The following COA7 variants were observed in gnomAD, a reference collection of about 807,000 sequenced individuals.
COA7 encodes the protein cytochrome c oxidase assembly factor 7.
COA7 carries 12 observed loss-of-function variants against 21.0 expected under a neutral mutation model. That is an observed-to-expected ratio of 0.57 (90% CI 0.37 to 0.92). The LOEUF (loss-of-function observed/expected upper bound fraction) is 0.92, where lower values mean the gene tolerates loss of function less well. COA7 is among the 40% of genes least tolerant of loss of function. The pLI is 0.01. For synonymous variants in COA7, 95 were observed against 107.4 expected, an observed-to-expected ratio of 0.88 and a Z score of 0.72; for missense variants, 240 against 286.1, an observed-to-expected ratio of 0.84 and a Z score of 1.16.
chr1:52,692,705 C>A, intron 2 of COA7, 22 bp downstream of exon 2: 1 of 1,613,776 alleles, frequency 6.2e-7, no homozygotes, highest in Non-Finnish European at 8.5e-7. Context: ...TGACAAGGAC[C>A]CAAAAGGCAG....
rs1205414600 is a variant in COA7, at chr1:52,686,118, G to A, written c.*1602C>T. 2 of 152,152 alleles carry A rather than the reference G, an allele frequency of 1.3e-5. No homozygotes were observed. Among genetic ancestry groups the A allele is most frequent in the Non-Finnish European group, 2.9e-5 (2 of 68,064 alleles). 9.4% of individuals were successfully genotyped at this position (152,152 alleles called of 1,614,324 possible). ...TGACCTCAAGTGATCCACCTGCCTT[G>A]GCCTCCCAAAATGCTAGGATTACAG... On this transcript the variant is annotated 3_prime_UTR_variant, in exon 3 of 3. Transcript: ENST00000371538.
At chr1:52,696,267 A>G (rs1644083299) in intron 1 of COA7, among the ~76,000 whole-genome samples, 1 of 152,056 alleles carries the variant, frequency 6.6e-6, no homozygotes, top group Admixed American at 6.6e-5. Context: ...TCCGCCTCCC[A>G]GGTTCAAGCC....
rs1468171912 is a variant in COA7, at chr1:52,686,492, G to A, written c.*1228C>T. The A allele has an allele frequency of 6.6e-6, 1 of 151,134 alleles. No homozygotes were observed. The highest frequency in any genetic ancestry group is 1.5e-5 in the Non-Finnish European group (1 of 67,922). The allele number at this position is 151,134 out of a possible 1,614,324, so 9.4% of individuals were successfully genotyped here. ...AGACGGAGTCTCACTCTATCGCCCA[G>A]GCTGGAGGGCAGTGGCGCAATCTCA... On this transcript the variant is annotated 3_prime_UTR_variant, in exon 3 of 3. Coordinates refer to ENST00000371538, the MANE Select transcript of COA7 (RefSeq NM_023077.3).
At chr1:52,693,554 C>A (rs375604081) in intron 1 of COA7, among the ~76,000 whole-genome samples, 1 of 149,452 alleles carries the variant, frequency 6.7e-6, no homozygotes, top group Non-Finnish European at 1.5e-5. Context: ...TGCGGCGGGC[C>A]GAGATCACGC....
rs762820526 is a variant in COA7 at position 52,688,119 on chromosome 1, C to A, written c.297G>T (p.Ala99=). 1 of 1,613,576 alleles carries A rather than the reference C, an allele frequency of 6.2e-7. No individual in the cohort carries two copies. Among genetic ancestry groups the A allele is most frequent in the South Asian group, 1.1e-5 (1 of 91,090 alleles). ...TTGACTTCTTTCCAGGCTTCTCACA[C>A]GCCATCAAAAAGCACCTGGCGGCAG... is the stretch of plus-strand genomic sequence containing the variant. ...LKAAARCFLM[A]CEKPGKKSIA... The change falls in exon 3 of 3, where the codon GCG becomes GCT. Residue 99 remains alanine (A), a synonymous_variant. Transcript: ENST00000371538.
intron 2 of COA7, among the ~76,000 whole-genome samples, chr1:52,690,554 T>C (rs1327722348): frequency 6.6e-6 from 1 of 152,156 alleles, no homozygotes; most frequent in Admixed American, 6.6e-5. Flanking sequence ...ACTGCTGACC[T>C]ACAAATTAAT....
chr1:52,686,200 AT>A lies in COA7; in HGVS notation c.*1519del, dbSNP rs943894361. The A allele has an allele frequency of 6.6e-6, 1 of 151,968 alleles. No homozygotes were observed. Among genetic ancestry groups the A allele is most frequent in the African/African-American group, 2.4e-5 (1 of 41,378 alleles). 9.4% of individuals were successfully genotyped at this position (151,968 alleles called of 1,614,324 possible). A position where few individuals can be genotyped will look rare whatever the true frequency, so the allele number is the denominator to read the frequency against. ...TTAAGCACACCAAAAGCTACTTTAC[AT>A]TTTTAAAAAGTGAATTTGATGTCTT... On this transcript the variant is annotated 3_prime_UTR_variant, in exon 3 of 3. Coordinates refer to ENST00000371538, the MANE Select transcript of COA7 (RefSeq NM_023077.3).
intron 2 of COA7, among the ~76,000 whole-genome samples, chr1:52,691,379 A>G (rs1465841161): frequency 4.7e-5 from 7 of 150,476 alleles, no homozygotes; most frequent in Non-Finnish European, 7.4e-5. Flanking sequence ...TTATCACTGC[A>G]CTCCAGTCTG....
intron 1 of COA7, 26 bp from the exon 2 acceptor site, chr1:52,692,893 CT>C: frequency 1.2e-6 from 2 of 1,613,522 alleles, no homozygotes; most frequent in Non-Finnish European, 1.7e-6. Context: ...AAGGGTTGTT[CT>C]TCATGTCTGG....
At chr1:52,688,645 G>A (rs1239450763) in intron 2 of COA7, among the ~76,000 whole-genome samples, 1 of 152,066 alleles carries the variant, frequency 6.6e-6, no homozygotes, top group African/African-American at 2.4e-5. Context: ...CCAGGAATTC[G>A]AGATCAACCT....
chr1:52,698,243 G>A lies in COA7; in HGVS notation c.84C>T (p.Cys28=). 1 of 1,612,034 alleles carries A rather than the reference G, an allele frequency of 6.2e-7. No homozygotes were observed. The highest frequency in any genetic ancestry group is 1.3e-5 in the African/African-American group (1 of 75,014). ...CACCGTCCGGGTCCTTCTCGTGGTA[G>A]CAGTGGTAGTTGCACTCCACCTCCA... The part of the protein sequence containing the change: ...ENMEVECNYH[C]YHEKDPDGCY... Residue 28 remains cysteine, a synonymous_variant, in exon 1 of 3, where the codon TGC becomes TGT. Coordinates refer to ENST00000371538, the MANE Select transcript of COA7 (RefSeq NM_023077.3).
rs936766468 is a variant in COA7 at position 52,686,708 on chromosome 1, A to G, written c.*1012T>C. 1 of 152,292 alleles carries G rather than the reference A, an allele frequency of 6.6e-6. No individual in the cohort carries two copies. The highest frequency in any genetic ancestry group is 2.4e-5 in the African/African-American group (1 of 41,440). The allele number at this position is 152,292 out of a possible 1,614,324, so 9.4% of individuals were successfully genotyped here. On this transcript the variant is annotated 3_prime_UTR_variant, in exon 3 of 3. Coordinates refer to ENST00000371538, the MANE Select transcript of COA7 (RefSeq NM_023077.3). The stretch of plus-strand genomic sequence containing the variant: ...CGTGATCCACCCGCCTTGGCCACCC[A>G]AAGTGCTGGGGTTACAGGCGTGAGC...
Position 52,692,776 on chromosome 1 carries a change from C to A in COA7, c.198G>T (p.Gln66His). ...CCAGTTTGTAGCAGCTATCACTGTG[C>A]TGGTTCTCTTCACAGTTAAACTTCA... Reference protein sequence around the residue: ...KVLKFNCEENQHSDSCYKLGA... With the variant: ...KVLKFNCEENHHSDSCYKLGA... Residue 66 changes from glutamine to histidine, a missense_variant, in exon 2 of 3, where the codon CAG (glutamine) becomes CAT (histidine). Physicochemically the swap from Gln to His is conservative, Grantham distance 24. Coordinates refer to ENST00000371538, the MANE Select transcript of COA7 (RefSeq NM_023077.3). 1.2e-6 allele frequency: 2 copies of A among 1,614,176 alleles called. No homozygotes were observed. Among genetic ancestry groups the A allele is most frequent in the Non-Finnish European group, 1.7e-6 (2 of 1,180,014 alleles).
chr1:52,691,534 C>T (rs1644046976), intron 2 of COA7, among the ~76,000 whole-genome samples: 1 of 149,216 alleles, frequency 6.7e-6, no homozygotes, highest in Admixed American at 6.7e-5. Context: ...TGCAGTGGCG[C>T]GATCTCAGCT....
In COA7 at chr1:52,687,866, T is replaced by A. The variant is rs571333748; in HGVS notation, c.550A>T (p.Ile184Phe). The change falls in exon 3 of 3, where the codon ATC (isoleucine) becomes TTC (phenylalanine). Residue 184 changes from isoleucine (I) to phenylalanine (F), a missense_variant. Around this residue, in one of 3 missense-constraint regions of COA7, gnomAD observed 163 missense variants for 214.1 expected, o/e 0.76. Transcript: ENST00000371538. ...CGACTGGCATTGGCACAGGCCCAGA[T>A]ATGACCCAGGTCACAGGCTTTCATG... The part of the protein sequence containing the change: ...YSMKACDLGH[I>F]WACANASRMY... 6.2e-7 allele frequency: 1 copy of A among 1,614,254 alleles called. No individual in the cohort carries two copies. The highest frequency in any genetic ancestry group is 2.2e-5 in the East Asian group (1 of 44,880).
chr1:52,692,847 A>G lies in COA7; in HGVS notation c.127T>C (p.Tyr43His), dbSNP rs752573972. The change falls in exon 2 of 3, where the codon TAT becomes CAT. Residue 43 changes from tyrosine to histidine, a missense_variant. This residue lies in a region of COA7 where 71 missense variants were observed against 54.7 expected (regional missense o/e 1.30). Coordinates refer to ENST00000371538, the MANE Select transcript of COA7 (RefSeq NM_023077.3). Reference protein sequence around the residue: ...DPDGCYRLVDYLEGIRKNFDE... With the variant: ...DPDGCYRLVDHLEGIRKNFDE... Reference sequence around the variant, plus strand: ...AAATTCTTCCGGATCCCTTCCAAATAGTCCACCAGCCGATAGCAACCTGCG... The same window carrying G: ...AAATTCTTCCGGATCCCTTCCAAATGGTCCACCAGCCGATAGCAACCTGCG... The G allele has an allele frequency of 1.2e-6, 2 of 1,613,896 alleles. No individual in the cohort carries two copies. The highest frequency in any genetic ancestry group is 2.2e-5 in the East Asian group (1 of 44,864).
At chr1:52,694,715 G>A (rs1466424934) in intron 1 of COA7, among the ~76,000 whole-genome samples, 1 of 150,716 alleles carries the variant, frequency 6.6e-6, no homozygotes, top group Non-Finnish European at 1.5e-5. Flanking sequence ...AAATGGGAGT[G>A]GGGCAGGGAT....
chr1:52,684,505 A>ATTTCTCT lies in COA7; in HGVS notation c.*3214_*3215insAGAGAAA, dbSNP rs1443790551. The ATTTCTCT allele has an allele frequency of 6.6e-6, 1 of 152,224 alleles. No individual in the cohort carries two copies. Among genetic ancestry groups the ATTTCTCT allele is most frequent in the Non-Finnish European group, 1.5e-5 (1 of 68,048 alleles). 9.4% of individuals were successfully genotyped at this position (152,224 alleles called of 1,614,324 possible). A position where few individuals can be genotyped will look rare whatever the true frequency, so the allele number is the denominator to read the frequency against. ...CAATTTTAGGTTTACAGCAAAATTG[A>ATTTCTCT]GAGGGTACAGAGATTTCCCATATAG... On this transcript the variant is annotated 3_prime_UTR_variant, in exon 3 of 3. Transcript: ENST00000371538.
chr1:52,692,785 T>C lies in COA7; in HGVS notation c.189A>G (p.Glu63=), dbSNP rs755684648. 10 of 1,614,148 alleles carry C rather than the reference T, an allele frequency of 6.2e-6. No individual in the cohort carries two copies. The East Asian group carries it at 1.8e-4, about 29-fold the overall frequency. ...EAAKVLKFNC[E]ENQHSDSCYK... ...AGCAGCTATCACTGTGCTGGTTCTC[T>C]TCACAGTTAAACTTCAACACCTTGG... Residue 63 remains glutamate (E), a synonymous_variant, in exon 2 of 3, where the codon GAA becomes GAG. Coordinates refer to ENST00000371538, the MANE Select transcript of COA7 (RefSeq NM_023077.3).
Sources: allele counts gnomAD v4.1 joint callset (sites outside exome capture counted in the v4.1 genomes callset), GRCh38; gene constraint gnomAD v4.1.1; regional missense constraint gnomAD v4.1.1; transcripts MANE v1.5; gene names NCBI Gene and HGNC (gene_info 2026-07-23, HGNC 2026-07-21).